The following GCC2 variants were observed in gnomAD, a reference collection of about 807,000 sequenced individuals.
GCC2 encodes GRIP and coiled-coil domain-containing protein 2.
GCC2 carries 120 observed loss-of-function variants against 210.6 expected under a neutral mutation model. That is an observed-to-expected ratio of 0.57 (90% CI 0.49 to 0.66). GCC2 has a LOEUF of 0.66. GCC2 is among the 30% of genes least tolerant of loss of function. The pLI is 0.00. For missense variants in GCC2, 1,868 were observed against 1,871.9 expected (o/e 1.00, Z 0.04); for synonymous variants, 703 against 652.7 (o/e 1.08, Z -1.17).
intron 15 of GCC2, chr2:108,486,296 C>CT (rs1558752156): frequency 5.3e-5 from 29 of 550,496 alleles, no homozygotes; most frequent in Admixed American, 1.0e-4. Flanking sequence ...CTGGGATTTT[C>CT]TTTTTTTTGA....
Position 108,482,469 on chromosome 2 carries a change from AGATT to A in GCC2, c.3345+23_3345+26del. ...AGATAAAGGTAAAAACAATCCTATG[AGATT>A]GATTCACATATATATGATGCATTTA... is the stretch of plus-strand genomic sequence containing the variant. On this transcript the variant is annotated intron_variant, in intron 11 of 22. Transcript: ENST00000309863. The A allele has an allele frequency of 7.9e-7, 1 of 1,268,312 alleles. No homozygotes were observed. The highest frequency in any genetic ancestry group is 1.1e-6 in the Non-Finnish European group (1 of 880,064). 78.6% of individuals were successfully genotyped at this position (1,268,312 alleles called of 1,614,324 possible). A position where few individuals can be genotyped will look rare whatever the true frequency, so the allele number is the denominator to read the frequency against.
chr2:108,455,074 T>C (rs1353653566), intron 4 of GCC2, among the ~76,000 whole-genome samples: 2 of 152,172 alleles, frequency 1.3e-5, no homozygotes, highest in Non-Finnish European at 2.9e-5. Context: ...CATTTAAATA[T>C]CTACCTGCTG....
At chr2:108,483,216 G>A (rs1213507833) in intron 12 of GCC2, 50 bp downstream of exon 12, 1 of 933,674 alleles carries the variant, frequency 1.1e-6, no homozygotes, top group Admixed American at 2.0e-5. Context: ...ACATTGTTCT[G>A]TTTTGTTGTT....
chr2:108,476,053 G>GT (rs1681499727), intron 9 of GCC2, among the ~76,000 whole-genome samples: 1 of 77,260 alleles, frequency 1.3e-5, no homozygotes, highest in Non-Finnish European at 2.7e-5. Context: ...ATAGTGGCTT[G>GT]CTTTTTTTTT....
In GCC2 at chr2:108,485,683, A is replaced by T. The variant is rs764785824; in HGVS notation, c.3661A>T (p.Ile1221Phe). The change falls in exon 14 of 23, where the codon ATC becomes TTC. Residue 1221 changes from isoleucine (I) to phenylalanine (F), a missense_variant. By Grantham distance (21) the Ile-to-Phe change is conservative. Coordinates refer to ENST00000309863, the MANE Select transcript of GCC2 (RefSeq NM_181453.4). ...ACAATATGAAGAAAAAAACACCAAA[A>T]TCAAGCAATTGCTTGTGAAAACCAA... ...VQQYEEKNTKIKQLLVKTKKE... is the reference protein window; with the variant it reads ...VQQYEEKNTKFKQLLVKTKKE... 8.8e-6 allele frequency: 14 copies of T among 1,597,426 alleles called. No individual in the cohort carries two copies. Among genetic ancestry groups the T allele is most frequent in the South Asian group, 6.8e-5 (6 of 87,828 alleles).
chr2:108,455,616 G>T (rs80165246), intron 4 of GCC2, among the ~76,000 whole-genome samples: 2,521 of 152,002 alleles, frequency 0.017, 81 homozygotes, highest in African/African-American at 0.058. Flanking sequence ...CCACAGCCAG[G>T]TATTTATCAT....
Position 108,470,655 on chromosome 2 carries a change from G to A in GCC2, c.1326G>A (p.Glu442=). The change falls in exon 6 of 23, where the codon GAG becomes GAA. Residue 442 remains glutamate, a synonymous_variant. Coordinates refer to ENST00000309863, the MANE Select transcript of GCC2 (RefSeq NM_181453.4). ...QHQKEISELN[E]TFLSDSEKEK... ...AAAAAGAAATATCAGAACTAAATGA[G>A]ACATTTTTGTCAGATTCAGAAAAAG... is the stretch of plus-strand genomic sequence containing the variant. The A allele has an allele frequency of 6.2e-7, 1 of 1,611,852 alleles. No individual in the cohort carries two copies. Among genetic ancestry groups the A allele is most frequent in the South Asian group, 1.1e-5 (1 of 90,856 alleles).
intron 8 of GCC2, 56 bp downstream of exon 8, chr2:108,475,691 AG>A: frequency 1.4e-6 from 2 of 1,461,068 alleles, no homozygotes; most frequent in South Asian, 2.5e-5. Context: ...AAAAATCAAG[AG>A]TTTTTCTATC....
At chr2:108,460,626 G>A (rs1680518825) in intron 4 of GCC2, among the ~76,000 whole-genome samples, 1 of 152,186 alleles carries the variant, frequency 6.6e-6, no homozygotes, top group African/African-American at 2.4e-5. Context: ...TGGTCTAGTA[G>A]TAATGAATTC....
intron 22 of GCC2, among the ~76,000 whole-genome samples, chr2:108,501,686 A>G (rs1268279907): frequency 6.6e-6 from 1 of 152,074 alleles, no homozygotes; most frequent in Non-Finnish European, 1.5e-5. Flanking sequence ...GTAAAATTCC[A>G]ATTGCTGGTC....
chr2:108,467,471 C>T (rs907142034), intron 4 of GCC2, among the ~76,000 whole-genome samples: 3 of 151,856 alleles, frequency 2.0e-5, no homozygotes, highest in African/African-American at 7.3e-5. Context: ...ATCTTTATGC[C>T]TCATGTCTTA....
intron 16 of GCC2, among the ~76,000 whole-genome samples, chr2:108,487,152 A>G (rs998212656): frequency 1.3e-5 from 2 of 152,232 alleles, no homozygotes; most frequent in Non-Finnish European, 2.9e-5. Flanking sequence ...CCCTGTTTTG[A>G]AAACTGAAGT....
chr2:108,449,347 G>A (rs1214961860), intron 1 of GCC2, 67 bp downstream of exon 1: 1 of 1,525,720 alleles, frequency 6.6e-7, no homozygotes, highest in Non-Finnish European at 8.9e-7. Flanking sequence ...TGTGGGAGTG[G>A]GCCCGATGGG....
At chr2:108,488,008 G>C (rs10184417) in intron 17 of GCC2, among the ~76,000 whole-genome samples, 188 bp downstream of exon 17, 91,414 of 150,512 alleles carry the variant, frequency 0.61, 28,425 homozygotes, top group East Asian at 0.96. Flanking sequence ...CGGGTTCAAG[G>C]GATTCTCCTG....
rs1313509224 is a variant in GCC2 at position 108,495,287 on chromosome 2, A to G, written c.4448-4A>G. 3 of 1,572,780 alleles carry G rather than the reference A, an allele frequency of 1.9e-6. No individual in the cohort carries two copies. Among genetic ancestry groups the G allele is most frequent in the Non-Finnish European group, 2.6e-6 (3 of 1,164,150 alleles). On this transcript the variant is annotated splice_polypyrimidine_tract_variant and splice_region_variant and intron_variant, in intron 19 of 22. Coordinates refer to ENST00000309863, the MANE Select transcript of GCC2 (RefSeq NM_181453.4). ...ACACTTAACCTTTTAAAAAAATCTA[A>G]TAGGCCCAGTTTCCTCTCAACAATC...
chr2:108,474,814 A>C (rs1412092118), intron 7 of GCC2: 2 of 152,154 alleles, frequency 1.3e-5, no homozygotes. Flanking sequence ...AAAGGGGAAA[A>C]TTATTGCTGC....
intron 7 of GCC2, among the ~76,000 whole-genome samples, chr2:108,474,075 A>T (rs976452702): frequency 1.3e-5 from 2 of 151,920 alleles, no homozygotes; most frequent in Non-Finnish European, 2.9e-5. Flanking sequence ...GGAATATGGC[A>T]TGAACCCGGG....
chr2:108,452,530 T>C (rs1679999137), intron 4 of GCC2, 64 bp downstream of exon 4: 3 of 957,418 alleles, frequency 3.1e-6, no homozygotes, highest in South Asian at 1.3e-5. Context: ...GTCAGTCTGC[T>C]AGAGGCTATC....
At chr2:108,492,478 C>T in intron 18 of GCC2, 95 bp from the exon 19 acceptor site, 2 of 749,684 alleles carry the variant, frequency 2.7e-6, no homozygotes, top group Non-Finnish European at 4.7e-6. Flanking sequence ...CAGTAGAGGT[C>T]TTAGAGCTAA....
Sources: allele counts gnomAD v4.1 joint callset (sites outside exome capture counted in the v4.1 genomes callset), GRCh38; gene constraint gnomAD v4.1.1; transcripts MANE v1.5; gene names NCBI Gene and HGNC (gene_info 2026-07-23, HGNC 2026-07-21).